TANC1: variants seen among roughly 807,000 people sequenced by gnomAD.
The protein encoded by TANC1 is protein TANC1.
A neutral mutation model predicts 149.7 loss-of-function variants in TANC1; 77 were observed. The observed-to-expected ratio is 0.51, with a 90% CI of 0.43 to 0.62. The LOEUF (loss-of-function observed/expected upper bound fraction) is 0.62, where lower values mean the gene tolerates loss of function less well. Ranked by LOEUF, TANC1 falls within the 20% of genes least tolerant of loss-of-function variation. The pLI is 0.00. For missense variants in TANC1, 1,985 were observed against 2,321.8 expected (o/e 0.85, Z 2.98); for synonymous variants, 854 against 925.0 (o/e 0.92, Z 1.39).
chr2:159,076,555 A>C (rs576352257), intron 3 of TANC1, among the ~76,000 whole-genome samples: 1 of 152,342 alleles, frequency 6.6e-6, no homozygotes, highest in East Asian at 1.9e-4. Flanking sequence ...AGATGGGGAT[A>C]GTTCCAGCAA....
intron 14 of TANC1, among the ~76,000 whole-genome samples, chr2:159,185,529 G>T (rs796971548): frequency 9.2e-5 from 14 of 152,264 alleles, no homozygotes; most frequent in African/African-American, 2.9e-4. Flanking sequence ...GATCCTGAGG[G>T]GACCTGAAGG....
chr2:159,137,396 G>A (rs1421384), intron 5 of TANC1, among the ~76,000 whole-genome samples: 56,361 of 152,064 alleles, frequency 0.37, 11,090 homozygotes, highest in East Asian at 0.47. Flanking sequence ...AAAAGATGGG[G>A]CCAGGCACTG....
At chr2:159,099,431 T>C (rs2149929028) in intron 4 of TANC1, among the ~76,000 whole-genome samples, 1 of 152,188 alleles carries the variant, frequency 6.6e-6, no homozygotes, top group South Asian at 2.1e-4. Flanking sequence ...TGCACAGTGT[T>C]TTACTTTTTC....
chr2:159,195,017 A>G (rs1000781255), intron 17 of TANC1, among the ~76,000 whole-genome samples: 5 of 152,210 alleles, frequency 3.3e-5, no homozygotes, highest in Admixed American at 3.3e-4. Flanking sequence ...CAGGCTTCTT[A>G]TCTGTAAAAT....
chr2:159,157,279 G>A (rs763222962), intron 7 of TANC1, among the ~76,000 whole-genome samples: 10 of 152,166 alleles, frequency 6.6e-5, no homozygotes, highest in South Asian at 2.1e-4. Context: ...AGCTGTGGCC[G>A]CAGGTGAACC....
At chr2:159,037,864 T>A (rs949114608) in intron 2 of TANC1, among the ~76,000 whole-genome samples, 1 of 152,252 alleles carries the variant, frequency 6.6e-6, no homozygotes, top group African/African-American at 2.4e-5. Context: ...ATATGGACTT[T>A]AAGGGAGTTT....
At chr2:159,217,282 A>G (rs1245116439) in intron 19 of TANC1, among the ~76,000 whole-genome samples, 2 of 152,118 alleles carry the variant, frequency 1.3e-5, no homozygotes, top group African/African-American at 2.4e-5. Context: ...AGGAAGTGCA[A>G]GCAGCCCATC....
intron 1 of TANC1, among the ~76,000 whole-genome samples, chr2:158,982,552 T>C (rs933195593): frequency 2.0e-5 from 3 of 152,246 alleles, no homozygotes; most frequent in African/African-American, 7.2e-5. Context: ...CAAAACCAGA[T>C]CATCTTCCAC....
At chr2:158,995,787 TGACACC>T in intron 1 of TANC1, among the ~76,000 whole-genome samples, 1 of 152,178 alleles carries the variant, frequency 6.6e-6, no homozygotes, top group East Asian at 1.9e-4. Flanking sequence ...ATATTAGCAC[TGACACC>T]CACTGCCTTA....
chr2:159,175,348 C>T (rs2055730483), intron 12 of TANC1, among the ~76,000 whole-genome samples, 164 bp downstream of exon 12: 1 of 152,054 alleles, frequency 6.6e-6, no homozygotes. Flanking sequence ...TCAGAACCAG[C>T]CCCATGAGGT....
chr2:159,124,440 T>A (rs1207100044), intron 4 of TANC1, among the ~76,000 whole-genome samples: 1 of 152,194 alleles, frequency 6.6e-6, no homozygotes, highest in East Asian at 1.9e-4. Flanking sequence ...CAGGTGATGC[T>A]GTTGCTGTTG....
intron 4 of TANC1, among the ~76,000 whole-genome samples, chr2:159,123,157 G>A (rs1292589658): frequency 6.6e-6 from 1 of 152,152 alleles, no homozygotes; most frequent in African/African-American, 2.4e-5. Flanking sequence ...TAGAGGATTC[G>A]CTGTGTGTGG....
At chr2:159,227,517 A>AG (rs1559496793) in intron 24 of TANC1, 1 of 348,228 alleles carries the variant, frequency 2.9e-6, no homozygotes, top group Non-Finnish European at 5.2e-6. Context: ...ACATACCAGA[A>AG]GGTAATCTGA....
chr2:158,968,965 A>G (rs947122316), intron 1 of TANC1, among the ~76,000 whole-genome samples, 183 bp downstream of exon 1: 21 of 152,042 alleles, frequency 1.4e-4, no homozygotes, highest in African/African-American at 4.8e-4. Context: ...GCTTTCCGGG[A>G]ATAGGCACAG....
intron 4 of TANC1, among the ~76,000 whole-genome samples, chr2:159,128,190 G>A (rs4665026): frequency 0.19 from 29,520 of 152,128 alleles, 3,404 homozygotes; most frequent in African/African-American, 0.31. Context: ...CAGTAGTAGT[G>A]ACTCAAATCA....
rs1294871475 is a variant in TANC1, at chr2:159,149,148, A to G, written c.371A>G (p.Lys124Arg). 6.3e-7 allele frequency: 1 copy of G among 1,584,310 alleles called. No individual in the cohort carries two copies. ...TTTTCTTTCTTTGTTCCAGAAGCAA[A>G]GGCCGATAATGAACCGAGCTGTTCG... ...KPTEPDEHEA[K>R]ADNEPSCSPA... The change falls in exon 6 of 27, where the codon AAG (lysine) becomes AGG (arginine). Residue 124 changes from lysine (K) to arginine (R), a missense_variant. Physicochemically the swap from Lys to Arg is conservative, Grantham distance 26. Transcript: ENST00000263635.
chr2:159,005,340 G>A (rs6432511), intron 2 of TANC1, among the ~76,000 whole-genome samples: 2 of 152,060 alleles, frequency 1.3e-5, no homozygotes, highest in East Asian at 1.9e-4. Flanking sequence ...CCTATAATCC[G>A]CGCACTTTGG....
intron 2 of TANC1, among the ~76,000 whole-genome samples, chr2:159,029,427 A>C (rs1346334446): frequency 6.6e-6 from 1 of 152,154 alleles, no homozygotes; most frequent in East Asian, 1.9e-4. Flanking sequence ...GAACATGTGC[A>C]TTGTTCCATG....
At position 159,084,304 on chromosome 2, in the gene TANC1, C is replaced by A. The variant is rs188002858; in HGVS notation, c.62-13333C>A. Among the ~76,000 whole-genome samples the A allele has an allele frequency of 4.3e-3, 657 of 152,202 alleles. 4 individuals carry two copies. The highest frequency in any genetic ancestry group is 7.9e-3 in the Non-Finnish European group (538 of 68,016). On this transcript the variant is annotated intron_variant, in intron 3 of 26. Transcript: ENST00000263635. ...TTTCTTCGTCACTCCTAGCTCCCCC[C>A]CCAATACAGGCCTGGGAAAGACCTT...
Sources: gnomAD v4.1 joint callset for allele counts (sites outside exome capture counted in the v4.1 genomes callset) on GRCh38, gnomAD v4.1.1 for gene constraint, MANE v1.5 for transcripts, NCBI Gene and HGNC (gene_info 2026-07-23, HGNC 2026-07-21) for gene names.